MORC1: variants seen among roughly 807,000 people sequenced by gnomAD.
MORC1 encodes the protein MORC family CW-type zinc finger protein 1.
MORC1 carries 59 observed loss-of-function variants against 134.9 expected under a neutral mutation model. That is an observed-to-expected ratio of 0.44 (90% CI 0.35 to 0.54). MORC1 has a LOEUF of 0.54. MORC1 is among the 20% of genes least tolerant of loss of function. The probability of loss-of-function intolerance (pLI) is 0.00; values close to 1 mark genes in which losing one functional copy is unlikely to be tolerated. For synonymous variants in MORC1, 395 were observed against 391.7 expected (o/e 1.01, Z -0.10); for missense variants, 947 against 1,134.5 (o/e 0.83, Z 2.37).
At chr3:109,065,460 T>A (rs1950175669) in intron 9 of MORC1, among the ~76,000 whole-genome samples, 1 of 152,194 alleles carries the variant, frequency 6.6e-6, no homozygotes, top group Admixed American at 6.5e-5. Flanking sequence ...GTGTTTTTTT[T>A]CCTCCTGGTA....
intron 17 of MORC1, among the ~76,000 whole-genome samples, chr3:109,023,492 T>C (rs905413298): frequency 6.6e-5 from 10 of 152,192 alleles, no homozygotes; most frequent in Non-Finnish European, 1.0e-4. Flanking sequence ...GGGGTAAATA[T>C]AGGGTAGCTT....
intron 20 of MORC1, among the ~76,000 whole-genome samples, chr3:109,003,116 T>C (rs1249397127): frequency 1.3e-5 from 2 of 152,084 alleles, no homozygotes; most frequent in African/African-American, 4.8e-5. Flanking sequence ...AAAACTGCCA[T>C]AGTAGCAGTT....
intron 3 of MORC1, among the ~76,000 whole-genome samples, chr3:109,105,994 G>A (rs1165486295): frequency 6.6e-6 from 1 of 152,176 alleles, no homozygotes; most frequent in Non-Finnish European, 1.5e-5. Context: ...CTCCCTCAAA[G>A]GCTGATATTT....
Position 108,963,521 on chromosome 3 carries a change from G to A in MORC1, c.2692C>T (p.His898Tyr). 6.2e-7 allele frequency: 1 copy of A among 1,606,048 alleles called. No individual in the cohort carries two copies. The highest frequency in any genetic ancestry group is 8.5e-7 in the Non-Finnish European group (1 of 1,174,636). Residue 898 changes from histidine to tyrosine, a missense_variant, in exon 27 of 28, where the codon CAT becomes TAT. Physicochemically the swap from His to Tyr is moderately conservative, Grantham distance 83. This residue lies in a region of MORC1 where 722 missense variants were observed against 817.0 expected (regional missense o/e 0.88). Coordinates refer to ENST00000232603, the MANE Select transcript of MORC1 (RefSeq NM_014429.4). The stretch of plus-strand genomic sequence containing the variant: ...CATTGCCCCAGAGAGATTTCATTAT[G>A]TATTCCTCTTGTATTTGAATCATAG... ...IIYDSNTRGIHNEISLGQCEN... is the reference protein window; with the variant it reads ...IIYDSNTRGIYNEISLGQCEN...
rs9822374 is a variant in MORC1, at chr3:108,998,817, A to G, written c.2187+1740T>C. 2.0e-3 allele frequency among the ~76,000 whole-genome samples: 312 copies of G among 152,328 alleles called. 2 individuals carry two copies. The highest frequency in any genetic ancestry group is 7.1e-3 in the African/African-American group (294 of 41,570). On this transcript the variant is annotated intron_variant, in intron 21 of 27. Transcript: ENST00000232603. ...TGAAAACAGACATCCTGCTAGGATCACAGAGACACTAATAAATCATACCAC... is the reference window on the plus strand; with the variant it reads ...TGAAAACAGACATCCTGCTAGGATCGCAGAGACACTAATAAATCATACCAC...
intron 18 of MORC1, 92 bp downstream of exon 18, chr3:109,006,937 T>C: frequency 5.0e-6 from 5 of 995,212 alleles, no homozygotes; most frequent in Non-Finnish European, 7.4e-6. Context: ...GTGAACCTCA[T>C]AAACCATGAT....
intron 8 of MORC1, among the ~76,000 whole-genome samples, chr3:109,070,877 T>C (rs932810122): frequency 6.6e-6 from 1 of 151,904 alleles, no homozygotes; most frequent in African/African-American, 2.4e-5. Context: ...GAATTCATCT[T>C]AATTGTTCCA....
intron 8 of MORC1, among the ~76,000 whole-genome samples, chr3:109,080,457 C>T (rs1408398114): frequency 6.6e-6 from 1 of 152,176 alleles, no homozygotes. Flanking sequence ...GGTGGGGACA[C>T]AGCCAAACTA....
chr3:109,074,969 T>C (rs1215651143), intron 8 of MORC1, among the ~76,000 whole-genome samples: 1 of 152,122 alleles, frequency 6.6e-6, no homozygotes, highest in Non-Finnish European at 1.5e-5. Flanking sequence ...GCCACTAGAA[T>C]TAAAGCTCTC....
At chr3:108,999,975 A>G (rs896376976) in intron 21 of MORC1, among the ~76,000 whole-genome samples, 1 of 152,140 alleles carries the variant, frequency 6.6e-6, no homozygotes, top group Non-Finnish European at 1.5e-5. Flanking sequence ...ATTTCCTCCT[A>G]AACACCAAGG....
intron 3 of MORC1, among the ~76,000 whole-genome samples, chr3:109,104,893 G>A (rs1000895952): frequency 5.2e-5 from 7 of 135,462 alleles, no homozygotes; most frequent in Middle Eastern, 3.8e-3. Context: ...ACACACACAC[G>A]TATGAAATCA....
intron 16 of MORC1, 113 bp downstream of exon 16, chr3:109,032,607 A>G (rs1949266116): frequency 5.7e-6 from 4 of 702,024 alleles, no homozygotes; most frequent in Non-Finnish European, 9.4e-6. Flanking sequence ...GTTTGAAGAG[A>G]TACCAGATAC....
intron 26 of MORC1, among the ~76,000 whole-genome samples, chr3:108,965,460 G>A (rs1947193559): frequency 6.6e-6 from 1 of 152,164 alleles, no homozygotes; most frequent in South Asian, 2.1e-4. Flanking sequence ...AATAGAGATG[G>A]AGAACATATT....
At chr3:109,091,685 C>T (rs547342776) in intron 8 of MORC1, among the ~76,000 whole-genome samples, 6 of 152,092 alleles carry the variant, frequency 3.9e-5, no homozygotes, top group Non-Finnish European at 7.4e-5. Flanking sequence ...ATCGCGTCCT[C>T]AGTTCAGAAA....
chr3:109,088,394 T>A (rs747777448), intron 8 of MORC1, among the ~76,000 whole-genome samples: 1 of 151,808 alleles, frequency 6.6e-6, no homozygotes, highest in Non-Finnish European at 1.5e-5. Flanking sequence ...AAACAACCCA[T>A]TAAAAAATGG....
At chr3:109,096,057 A>G (rs2107768678) in intron 6 of MORC1, among the ~76,000 whole-genome samples, 1 of 152,360 alleles carries the variant, frequency 6.6e-6, no homozygotes, top group East Asian at 1.9e-4. Flanking sequence ...GAAAACTTCA[A>G]CAAGGCAAAA....
intron 21 of MORC1, among the ~76,000 whole-genome samples, chr3:108,991,775 G>A (rs6794291): frequency 0.01 from 1,559 of 152,158 alleles, 27 homozygotes; most frequent in African/African-American, 0.034. Flanking sequence ...TCCTATCTTT[G>A]ACCACTTGGT....
intron 26 of MORC1, 50 bp downstream of exon 26, chr3:108,969,619 G>T: frequency 6.6e-7 from 1 of 1,516,916 alleles, no homozygotes; most frequent in South Asian, 1.1e-5. Context: ...TTATCCTTTC[G>T]AACACAGGAT....
rs766313225 is a variant in MORC1 at position 109,093,469 on chromosome 3, T to C, written c.656A>G (p.Lys219Arg). ...GEPELDVKTD[K>R]EDILMAGALE... Reference sequence around the variant, plus strand: ...AGCTCCAGCCATCAGTATATCTTCTTTGTCAGTTTTAACATCCAACTCTGG... The same window carrying C: ...AGCTCCAGCCATCAGTATATCTTCTCTGTCAGTTTTAACATCCAACTCTGG... Residue 219 changes from lysine (K) to arginine (R), a missense_variant, in exon 8 of 28, where the codon AAA becomes AGA. Transcript: ENST00000232603. 1 of 1,613,784 alleles carries C rather than the reference T, an allele frequency of 6.2e-7. No homozygotes were observed.
Sources: allele counts gnomAD v4.1 joint callset (sites outside exome capture counted in the v4.1 genomes callset), GRCh38; gene constraint gnomAD v4.1.1; regional missense constraint gnomAD v4.1.1; transcripts MANE v1.5; gene names NCBI Gene and HGNC (gene_info 2026-07-23, HGNC 2026-07-21).